Variants in TMEM163 observed in about 807,000 individuals in gnomAD.
TMEM163 encodes transmembrane protein 163.
Under a neutral mutation model 29.3 loss-of-function variants are expected in TMEM163, and 17 were observed. That is an observed-to-expected ratio of 0.58 (90% confidence interval 0.40 to 0.87). TMEM163 has a LOEUF of 0.87. TMEM163 is among the 40% of genes least tolerant of loss of function. The pLI is 0.00. For missense variants in TMEM163, 303 were observed against 381.5 expected (o/e 0.79, Z 1.71); for synonymous variants, 157 against 160.6 (o/e 0.98, Z 0.17).
intron 2 of TMEM163, among the ~76,000 whole-genome samples, chr2:134,630,779 T>G (rs1682950623): frequency 6.6e-6 from 1 of 152,186 alleles, no homozygotes; most frequent in Non-Finnish European, 1.5e-5. Flanking sequence ...CCAGTTCCTC[T>G]TCACACTGCA....
At chr2:134,618,202 T>C (rs1331480673) in intron 2 of TMEM163, among the ~76,000 whole-genome samples, 2 of 152,030 alleles carry the variant, frequency 1.3e-5, no homozygotes, top group East Asian at 3.9e-4. Flanking sequence ...TTAGGTTTCA[T>C]GTAAAAGGAT....
chr2:134,621,230 C>T (rs1682724377), intron 2 of TMEM163, among the ~76,000 whole-genome samples: 1 of 152,088 alleles, frequency 6.6e-6, no homozygotes, highest in Non-Finnish European at 1.5e-5. Context: ...TGAAGAGATG[C>T]TTAATAATAT....
intron 2 of TMEM163, among the ~76,000 whole-genome samples, chr2:134,617,481 A>C (rs1682632605): frequency 6.6e-6 from 1 of 152,112 alleles, no homozygotes; most frequent in Non-Finnish European, 1.5e-5. Flanking sequence ...GGGCACCTGT[A>C]ATCCCAGCTA....
intron 5 of TMEM163, among the ~76,000 whole-genome samples, chr2:134,493,774 G>A (rs1159325642): frequency 6.6e-6 from 1 of 152,126 alleles, no homozygotes; most frequent in Admixed American, 6.5e-5. Flanking sequence ...TTACATTGAG[G>A]CTTATGATCC....
intron 2 of TMEM163, among the ~76,000 whole-genome samples, chr2:134,572,396 A>G (rs1681452430): frequency 6.6e-6 from 1 of 152,250 alleles, no homozygotes; most frequent in Non-Finnish European, 1.5e-5. Context: ...CTGATGGAAT[A>G]TAATTTTTAA....
chr2:134,689,110 G>GTTTTTTTT (rs5834423), intron 2 of TMEM163, among the ~76,000 whole-genome samples: 3 of 130,926 alleles, frequency 2.3e-5, no homozygotes, highest in African/African-American at 5.7e-5. Context: ...TTTTTGTTTT[G>GTTTTTTTT]TTTTTTTTTT....
rs749536133 is a variant in TMEM163, at chr2:134,713,219, G to T, written c.303C>A (p.Ala101=). 6.2e-7 allele frequency: 1 copy of T among 1,614,068 alleles called. No individual in the cohort carries two copies. The highest frequency in any genetic ancestry group is 8.5e-7 in the Non-Finnish European group (1 of 1,180,010). ...VSWFSIIVTL[A]LAVAAFTVSV... is the part of the protein sequence containing the mutation. ...ACTCACTAAAGGCAGCCACCGCGAG[G>T]GCCAGGGTGACAATGATGGAGAACC... is the stretch of plus-strand genomic sequence containing the variant. Residue 101 remains alanine, a synonymous_variant, in exon 2 of 8, where the codon GCC becomes GCA. Transcript: ENST00000281924.
chr2:134,616,284 C>T (rs1295506728), intron 2 of TMEM163, among the ~76,000 whole-genome samples: 1 of 152,192 alleles, frequency 6.6e-6, no homozygotes. Flanking sequence ...GGGGAAGCTT[C>T]ACCAGAGAGC....
At chr2:134,512,789 G>C (rs1243698306) in intron 4 of TMEM163, among the ~76,000 whole-genome samples, 1 of 152,208 alleles carries the variant, frequency 6.6e-6, no homozygotes, top group African/African-American at 2.4e-5. Context: ...CATTTACAAA[G>C]ATGGGAAGCC....
chr2:134,688,642 C>T (rs1684395255), intron 2 of TMEM163, among the ~76,000 whole-genome samples: 2 of 152,222 alleles, frequency 1.3e-5, no homozygotes, highest in African/African-American at 2.4e-5. Context: ...CCACTGGAGA[C>T]ATTCATAGAC....
At chr2:134,692,686 G>C (rs1408571823) in intron 2 of TMEM163, among the ~76,000 whole-genome samples, 2 of 152,090 alleles carry the variant, frequency 1.3e-5, no homozygotes, top group African/African-American at 4.8e-5. Context: ...AAGCCCTCTG[G>C]TGTCTCTTCT....
At chr2:134,592,733 A>T (rs1192666823) in intron 2 of TMEM163, among the ~76,000 whole-genome samples, 1 of 152,156 alleles carries the variant, frequency 6.6e-6, no homozygotes, top group African/African-American at 2.4e-5. Flanking sequence ...GGTTTATAAC[A>T]GATAACTATC....
chr2:134,506,780 T>A (rs1679834092), intron 4 of TMEM163, among the ~76,000 whole-genome samples: 1 of 152,216 alleles, frequency 6.6e-6, no homozygotes, highest in South Asian at 2.1e-4. Context: ...TGCTTATGCA[T>A]CTGCAAGTAT....
intron 2 of TMEM163, among the ~76,000 whole-genome samples, chr2:134,665,592 T>C (rs1038562670): frequency 2.8e-4 from 42 of 152,132 alleles, no homozygotes; most frequent in African/African-American, 9.2e-4. Context: ...AATGGTCCCC[T>C]GGAAACTCTG....
At chr2:134,510,194 C>G (rs1256225028) in intron 4 of TMEM163, among the ~76,000 whole-genome samples, 2 of 152,070 alleles carry the variant, frequency 1.3e-5, no homozygotes, top group Non-Finnish European at 1.5e-5. Flanking sequence ...AAAAAAAAGA[C>G]CATCGCTCCA....
chr2:134,633,976 T>C (rs1300912218), intron 2 of TMEM163, among the ~76,000 whole-genome samples: 254 of 9,212 alleles, frequency 0.028, 4 homozygotes, highest in African/African-American at 0.2. Context: ...CATATATATA[T>C]ATATATATAT....
chr2:134,710,271 T>C (rs1684898507), intron 2 of TMEM163, among the ~76,000 whole-genome samples: 1 of 152,226 alleles, frequency 6.6e-6, no homozygotes, highest in South Asian at 2.1e-4. Context: ...ACAATGTACA[T>C]GTCAGGTAAA....
intron 2 of TMEM163, among the ~76,000 whole-genome samples, chr2:134,573,556 C>T (rs981205104): frequency 2.0e-5 from 3 of 152,074 alleles, no homozygotes; most frequent in Non-Finnish European, 2.9e-5. Context: ...GAATCAGGGC[C>T]CCAAATACCA....
chr2:134,638,743 G>T (rs1292854771), intron 2 of TMEM163, among the ~76,000 whole-genome samples: 1 of 152,182 alleles, frequency 6.6e-6, no homozygotes, highest in Non-Finnish European at 1.5e-5. Context: ...AGAACCAAAG[G>T]CTCCTACAGC....
Sources: allele counts gnomAD v4.1 joint callset (sites outside exome capture counted in the v4.1 genomes callset), GRCh38; gene constraint gnomAD v4.1.1; transcripts MANE v1.5; gene names NCBI Gene and HGNC (gene_info 2026-07-23, HGNC 2026-07-21).